The following CHLSN variants were observed in gnomAD, a reference collection of about 807,000 sequenced individuals.
The protein encoded by CHLSN is cholesin.
the CHLSN span, among the ~76,000 whole-genome samples, chr7:1,085,889 C>T: frequency 2.0e-5 from 3 of 152,006 alleles, no homozygotes; most frequent in Admixed American, 1.3e-4. Flanking sequence ...ACAAATAGTC[C>T]ACGAGATTCC....
At chr7:1,071,111 G>T in the CHLSN span, among the ~76,000 whole-genome samples, 2 of 152,194 alleles carry the variant, frequency 1.3e-5, no homozygotes, top group Non-Finnish European at 2.9e-5. Flanking sequence ...GCCATGGGGG[G>T]GCCATGAGAC....
At chr7:1,116,311 C>T in the CHLSN span, among the ~76,000 whole-genome samples, 4,965 of 138,914 alleles carry the variant, frequency 0.036, 562 homozygotes, top group African/African-American at 0.14. Context: ...TACAGCTCTA[C>T]GGACAGGCTT....
At chr7:1,049,545 C>T in the CHLSN span, among the ~76,000 whole-genome samples, 3 of 152,182 alleles carry the variant, frequency 2.0e-5, no homozygotes, top group Non-Finnish European at 4.4e-5. Flanking sequence ...AGGCCCTTAA[C>T]CACTTCCTTC....
chr7:1,036,039 C>T, the CHLSN span, among the ~76,000 whole-genome samples: 34 of 152,166 alleles, frequency 2.2e-4, no homozygotes, highest in Non-Finnish European at 4.4e-4. Flanking sequence ...GGGGTCCCAC[C>T]GCATGACATT....
the CHLSN span, chr7:1,028,798 C>T: frequency 1.2e-6 from 1 of 864,602 alleles, no homozygotes; most frequent in African/African-American, 2.0e-5. Context: ...CCCTATCGCT[C>T]CCCCAATCTG....
chr7:1,065,874 A>G, the CHLSN span, among the ~76,000 whole-genome samples: 4 of 152,226 alleles, frequency 2.6e-5, no homozygotes, highest in Non-Finnish European at 5.9e-5. Context: ...TCCGCGATCC[A>G]AAGGCAGCTC....
At chr7:1,101,119 G>A in the CHLSN span, among the ~76,000 whole-genome samples, 1 of 152,262 alleles carries the variant, frequency 6.6e-6, no homozygotes, top group African/African-American at 2.4e-5. Flanking sequence ...TGCGCCACGA[G>A]GGCAGGCGTG....
the CHLSN span, among the ~76,000 whole-genome samples, chr7:1,136,662 T>C: frequency 1.4e-5 from 2 of 146,936 alleles, no homozygotes; most frequent in South Asian, 2.1e-4. Flanking sequence ...ATAAACTGTG[T>C]ATATATATAA....
chr7:996,697 G>A, the CHLSN span, among the ~76,000 whole-genome samples: 2 of 152,238 alleles, frequency 1.3e-5, no homozygotes, highest in African/African-American at 4.8e-5. Flanking sequence ...CCGGTGCCCC[G>A]CGGCACCTCA....
chr7:988,661 C>A, the CHLSN span: 2 of 1,601,416 alleles, frequency 1.2e-6, no homozygotes, highest in Non-Finnish European at 1.7e-6. Context: ...TGGGGAGCGC[C>A]TGGCCAGGAC....
the CHLSN span, chr7:1,091,633 A>G: frequency 1.0e-6 from 1 of 966,362 alleles, no homozygotes; most frequent in Non-Finnish European, 1.6e-6. Flanking sequence ...GCTCACTTCA[A>G]GGAGAATCAC....
chr7:1,002,910 G>A, the CHLSN span, among the ~76,000 whole-genome samples: 1 of 106,708 alleles, frequency 9.4e-6, no homozygotes, highest in East Asian at 3.2e-4. Flanking sequence ...GAGTCCTGTG[G>A]GTTTGGAGTC....
chr7:1,053,310 C>T, the CHLSN span, among the ~76,000 whole-genome samples: 6 of 152,214 alleles, frequency 3.9e-5, no homozygotes, highest in East Asian at 1.9e-4. Context: ...GTGGCGACGG[C>T]GGGGGAGGGG....
At chr7:1,113,534 C>T in the CHLSN span, among the ~76,000 whole-genome samples, 1 of 152,186 alleles carries the variant, frequency 6.6e-6, no homozygotes, top group African/African-American at 2.4e-5. Flanking sequence ...TGATGGGTCA[C>T]CACGCCCCAC....
the CHLSN span, among the ~76,000 whole-genome samples, chr7:1,099,481 AGC>A: frequency 2.0e-5 from 3 of 152,268 alleles, no homozygotes; most frequent in African/African-American, 7.2e-5. Flanking sequence ...TTTATTGTAA[AGC>A]TTCTAATTAA....
the CHLSN span, among the ~76,000 whole-genome samples, chr7:979,445 ATCTTTT>A: frequency 1.3e-5 from 2 of 152,102 alleles, no homozygotes; most frequent in Non-Finnish European, 2.9e-5. Context: ...CGTTGACCTT[ATCTTTT>A]TAAAAAACGC....
At chr7:1,093,872 G>C in the CHLSN span, 1 of 343,574 alleles carries the variant, frequency 2.9e-6, no homozygotes, top group South Asian at 2.3e-5. Context: ...GTGGGCATGG[G>C]GCACTCGGGA....
At chr7:1,098,874 G>A in the CHLSN span, among the ~76,000 whole-genome samples, 1 of 152,246 alleles carries the variant, frequency 6.6e-6, no homozygotes, top group Admixed American at 6.5e-5. Flanking sequence ...GAGTTTCCCT[G>A]GGGGTGAAGA....
At chr7:1,028,131 C>T in the CHLSN span, 2 of 596,392 alleles carry the variant, frequency 3.4e-6, no homozygotes, top group East Asian at 2.9e-4. Flanking sequence ...GCGGGGCCCG[C>T]AGCAGCGTCT....
Sources: allele counts gnomAD v4.1 joint callset (sites outside exome capture counted in the v4.1 genomes callset), GRCh38; gene constraint gnomAD v4.1.1; transcripts MANE v1.5; gene names NCBI Gene and HGNC (gene_info 2026-07-23, HGNC 2026-07-21).